Variants in OCSTAMP observed in about 807,000 individuals in gnomAD.
OCSTAMP encodes the protein osteoclast stimulatory transmembrane protein, also known as transmembrane protein C20orf123.
A neutral mutation model predicts 25.2 loss-of-function variants in OCSTAMP; 17 were observed. That is an observed-to-expected ratio of 0.68 (90% confidence interval 0.46 to 1.01). The LOEUF (loss-of-function observed/expected upper bound fraction) is 1.01. Among genes scored for constraint, OCSTAMP ranks in the 50% least tolerant of loss-of-function variants. OCSTAMP has a pLI of 0.00. For synonymous variants in OCSTAMP, 345 were observed against 318.9 expected (o/e 1.08, Z -0.87); for missense variants, 664 against 694.6 (o/e 0.96, Z 0.50).
In OCSTAMP at chr20:46,541,208, C is replaced by T. The variant is rs900156505; in HGVS notation, c.*66G>A. 1.5e-6 allele frequency: 1 copy of T among 673,730 alleles called. No individual in the cohort carries two copies. Among genetic ancestry groups the T allele is most frequent in the African/African-American group, 1.8e-5 (1 of 56,510 alleles). The allele number at this position is 673,730 out of a possible 1,614,324, so 41.7% of individuals were successfully genotyped here. ...AGATGAGATGAGCCTGATCGCCAAC[C>T]AGCCTGGAGGAACCATGAGCTCTCT... On this transcript the variant is annotated 3_prime_UTR_variant, in exon 3 of 3. Coordinates refer to ENST00000279028, the MANE Select transcript of OCSTAMP (RefSeq NM_080721.3).
At chr20:46,541,972 G>C (rs977124219) in intron 2 of OCSTAMP, 45 bp from the exon 3 acceptor site, 1 of 1,404,592 alleles carries the variant, frequency 7.1e-7, no homozygotes, top group Non-Finnish European at 9.3e-7. Flanking sequence ...GGCCTCTCTG[G>C]CCACTCCCCA....
chr20:46,541,614 T>C lies in OCSTAMP; in HGVS notation c.1361A>G (p.Asp454Gly), dbSNP rs373269832. 1.1e-5 allele frequency: 17 copies of C among 1,551,424 alleles called. No individual in the cohort carries two copies. The highest frequency in any genetic ancestry group is 9.8e-5 in the Admixed American group (5 of 50,992). ...GGGCAGCTGCTGGCCTTGGTGCCTG[T>C]CGTGTCTTCGCTGGAGCCGGGCGTG... ...HLHARLQRRHDRHQGQQLPLG... is the reference protein window; with the variant it reads ...HLHARLQRRHGRHQGQQLPLG... Residue 454 changes from aspartate (D) to glycine (G), a missense_variant, in exon 3 of 3, where the codon GAC becomes GGC. Coordinates refer to ENST00000279028, the MANE Select transcript of OCSTAMP (RefSeq NM_080721.3).
Position 46,546,276 on chromosome 20 carries a change from G to T in OCSTAMP, c.98C>A (p.Ala33Asp). The change falls in exon 2 of 3, where the codon GCC (alanine) becomes GAC (aspartate). Residue 33 changes from alanine to aspartate, a missense_variant. Transcript: ENST00000279028. ...AACAGGCTGGGAGAAGGCGTCCCAGGCAGCCTGCAGTGGGGCAAGGGCCTT... is the reference window on the plus strand; with the variant it reads ...AACAGGCTGGGAGAAGGCGTCCCAGTCAGCCTGCAGTGGGGCAAGGGCCTT... ...FWKALAPLQA[A>D]WDAFSQPVPA... is the part of the protein sequence containing the mutation. The T allele has an allele frequency of 1.3e-6, 2 of 1,550,432 alleles. No homozygotes were observed. The highest frequency in any genetic ancestry group is 1.7e-6 in the Non-Finnish European group (2 of 1,146,904).
At chr20:46,550,454 C>T in intron 1 of OCSTAMP, 63 bp downstream of exon 1, 1 of 1,427,276 alleles carries the variant, frequency 7.0e-7, no homozygotes, top group Non-Finnish European at 9.7e-7. Flanking sequence ...TCATATCCAT[C>T]ACCCCCAATG....
At chr20:46,544,165 G>A (rs2061844007) in intron 2 of OCSTAMP, among the ~76,000 whole-genome samples, 1 of 152,236 alleles carries the variant, frequency 6.6e-6, no homozygotes, top group African/African-American at 2.4e-5. Flanking sequence ...GTTACAGTGA[G>A]CTGTGATTGC....
intron 1 of OCSTAMP, among the ~76,000 whole-genome samples, chr20:46,549,829 T>TGTGTGTGTGTGTGTGTGTGTGTGTG (rs2061865089): frequency 6.6e-6 from 1 of 151,900 alleles, no homozygotes; most frequent in African/African-American, 2.4e-5. Flanking sequence ...TGTGTGTGTG[T>TGTGTGTGTGTGTGTGTGTGTGTGTG]AAGCTGCCCC....
Position 46,541,186 on chromosome 20 carries a change from T to G in OCSTAMP, c.*88A>C. ...TAACAAGTAGAGCAGTTGGTGCAGA[T>G]GAGATGAGCCTGATCGCCAACCAGC... On this transcript the variant is annotated 3_prime_UTR_variant, in exon 3 of 3. Transcript: ENST00000279028. The G allele has an allele frequency of 1.5e-6, 1 of 657,500 alleles. No individual in the cohort carries two copies. Among genetic ancestry groups the G allele is most frequent in the Non-Finnish European group, 2.8e-6 (1 of 352,636 alleles). The allele number at this position is 657,500 out of a possible 1,614,324, so 40.7% of individuals were successfully genotyped here.
In OCSTAMP at chr20:46,541,313, G is replaced by C; in HGVS notation, c.1662C>G (p.Val554=). ...DVTYFPRRDV[V]RMEGNTGHDR... The stretch of plus-strand genomic sequence containing the variant: ...CATGCCCAGTATTTCCTTCCATCCT[G>C]ACCACATCCCTGCGTGGGAAGTAGG... Residue 554 remains valine, a synonymous_variant, in exon 3 of 3, where the codon GTC becomes GTG. Transcript: ENST00000279028. The C allele has an allele frequency of 1.4e-6, 1 of 733,424 alleles. No individual in the cohort carries two copies. Among genetic ancestry groups the C allele is most frequent in the Non-Finnish European group, 2.5e-6 (1 of 398,764 alleles). 45.4% of individuals were successfully genotyped at this position (733,424 alleles called of 1,614,324 possible).
intron 1 of OCSTAMP, among the ~76,000 whole-genome samples, chr20:46,550,033 G>A (rs1476881522): frequency 6.6e-6 from 1 of 152,122 alleles, no homozygotes; most frequent in Non-Finnish European, 1.5e-5. Context: ...TGCACACCCA[G>A]GTGGCCTTCC....
intron 2 of OCSTAMP, 97 bp from the exon 3 acceptor site, chr20:46,542,024 CA>C: frequency 7.4e-7 from 1 of 1,353,534 alleles, no homozygotes; most frequent in Non-Finnish European, 9.4e-7. Context: ...CCTTCATCTG[CA>C]AAATGGTTAC....
In OCSTAMP at chr20:46,545,475, A is replaced by G; in HGVS notation, c.899T>C (p.Leu300Pro). Reference sequence around the variant, plus strand: ...CAGGGCAAGCAGCCCCAGCCTTAGAAGACAACTCAACAGCTCCTCCTGTGA... The same window carrying G: ...CAGGGCAAGCAGCCCCAGCCTTAGAGGACAACTCAACAGCTCCTCCTGTGA... ...RLSQEELLSCLLRLGLLALLL... is the reference protein window; with the variant it reads ...RLSQEELLSCPLRLGLLALLL... The change falls in exon 2 of 3, where the codon CTT becomes CCT. Residue 300 changes from leucine to proline, a missense_variant. Coordinates refer to ENST00000279028, the MANE Select transcript of OCSTAMP (RefSeq NM_080721.3). 6.4e-7 allele frequency: 1 copy of G among 1,551,496 alleles called. No individual in the cohort carries two copies. The highest frequency in any genetic ancestry group is 8.7e-7 in the Non-Finnish European group (1 of 1,146,940).
At chr20:46,547,904 G>A (rs1369352425) in intron 1 of OCSTAMP, among the ~76,000 whole-genome samples, 2 of 152,170 alleles carry the variant, frequency 1.3e-5, no homozygotes, top group Non-Finnish European at 2.9e-5. Flanking sequence ...TGACAAAGGG[G>A]AGACTCCCTG....
intron 2 of OCSTAMP, among the ~76,000 whole-genome samples, chr20:46,542,574 C>CAAAAAAAAAAA (rs3092597): frequency 0.01 from 1,029 of 100,270 alleles, 31 homozygotes; most frequent in Non-Finnish European, 0.013. Context: ...GACTCTGTCT[C>CAAAAAAAAAAA]AAAAAAAAAA....
intron 1 of OCSTAMP, 96 bp downstream of exon 1, chr20:46,550,421 A>G (rs2061867196): frequency 9.3e-7 from 1 of 1,070,610 alleles, no homozygotes; most frequent in Non-Finnish European, 1.4e-6. Context: ...TAGCCAAGGA[A>G]TGGCAGAGCT....
intron 1 of OCSTAMP, among the ~76,000 whole-genome samples, chr20:46,549,808 C>CTGTGTGTGTGTGTGTG (rs3971980): frequency 6.7e-6 from 1 of 149,154 alleles, no homozygotes; most frequent in African/African-American, 2.5e-5. Context: ...GTGGCCCACT[C>CTGTGTGTGTGTGTGTG]TGTGTGTGTG....
rs978791576 is a variant in OCSTAMP at position 46,542,924 on chromosome 20, C to G, written c.1048-997G>C. Among the ~76,000 whole-genome samples, 4 of 152,298 alleles carry G rather than the reference C, an allele frequency of 2.6e-5. No homozygotes were observed. The East Asian group carries it at 7.7e-4, about 29-fold the overall frequency. The stretch of plus-strand genomic sequence containing the variant: ...AATGAGTGGGCCTGTACAATTTATG[C>G]TTTCCCAGAGGATCAGAGAGTGCCA... On this transcript the variant is annotated intron_variant, in intron 2 of 2. Transcript: ENST00000279028.
rs185201499 is a variant in OCSTAMP at position 46,543,066 on chromosome 20, A to G, written c.1048-1139T>C. 1.5e-4 allele frequency among the ~76,000 whole-genome samples: 23 copies of G among 152,266 alleles called. No homozygotes were observed. In the East Asian group the frequency reaches 4.3e-3, roughly 28 times the overall value. Reference sequence around the variant, plus strand: ...AATGATATTGGAGGAAAAGCCTCAGAGACTGACTCCTCGGCCAGAGTCATT... The same window carrying G: ...AATGATATTGGAGGAAAAGCCTCAGGGACTGACTCCTCGGCCAGAGTCATT... On this transcript the variant is annotated intron_variant, in intron 2 of 2. Transcript: ENST00000279028.
At chr20:46,543,236 CTT>C (rs2061840344) in intron 2 of OCSTAMP, among the ~76,000 whole-genome samples, 2 of 103,404 alleles carry the variant, frequency 1.9e-5, no homozygotes, top group African/African-American at 1.0e-4. Flanking sequence ...CTTTCTTTTT[CTT>C]TCTTTCTTTC....
In OCSTAMP at chr20:46,545,789, G is replaced by A. The variant is rs553652980; in HGVS notation, c.585C>T (p.Ala195=). The A allele has an allele frequency of 8.8e-5, 136 of 1,551,322 alleles. No individual in the cohort carries two copies. Among genetic ancestry groups the A allele is most frequent in the South Asian group, 3.8e-4 (32 of 84,070 alleles). ...TGACCCTGAGCATGTGAAGGTAGAA[G>A]GCAGAGCCATTGTCCTGGGCCTCAA... is the stretch of plus-strand genomic sequence containing the variant. ...LTFEAQDNGS[A]FYLHMLRVTQ... The change falls in exon 2 of 3, where the codon GCC becomes GCT. Residue 195 remains alanine, a synonymous_variant. Coordinates refer to ENST00000279028, the MANE Select transcript of OCSTAMP (RefSeq NM_080721.3).
Sources: gnomAD v4.1 joint callset for allele counts (sites outside exome capture counted in the v4.1 genomes callset) on GRCh38, gnomAD v4.1.1 for gene constraint, MANE v1.5 for transcripts, NCBI Gene and HGNC (gene_info 2026-07-23, HGNC 2026-07-21) for gene names.